Variants in RCOR1 observed in about 807,000 individuals in gnomAD.
RCOR1 encodes the protein REST corepressor.
A neutral mutation model predicts 64.0 loss-of-function variants in RCOR1; 12 were observed. The observed-to-expected ratio is 0.19, with a 90% CI of 0.12 to 0.30. The LOEUF (loss-of-function observed/expected upper bound fraction) is 0.30. RCOR1 is among the 10% of genes least tolerant of loss of function. The pLI is 1.00. For synonymous variants in RCOR1, 279 were observed against 227.2 expected (o/e 1.23, Z -2.05); for missense variants, 502 against 621.2 (o/e 0.81, Z 2.04).
rs1555462069 is a variant in RCOR1 at position 102,616,240 on chromosome 14, G to GTGTGTGTGTGTGTA, written c.361+22924_361+22925insGTGTATGTGTGTGT. On this transcript the variant is annotated intron_variant, in intron 2 of 11. Coordinates refer to ENST00000262241, the MANE Select transcript of RCOR1 (RefSeq NM_015156.4). ...TGTGTGTGTGTGTGTGTGTGTGTGTGTGTGTGTGTATGTGTGTGTGTGTAT... is the reference window on the plus strand; with the variant it reads ...TGTGTGTGTGTGTGTGTGTGTGTGTGTGTGTGTGTGTGTATGTGTGTGTATGTGTGTGTGTGTAT... 1.1e-4 allele frequency among the ~76,000 whole-genome samples: 11 copies of GTGTGTGTGTGTGTA among 103,330 alleles called. No individual in the cohort carries two copies. The East Asian group carries it at 1.2e-3, about 12-fold the overall frequency. The allele number at this position is 103,330 out of a possible 152,430, so 67.8% of individuals were successfully genotyped here.
At chr14:102,689,331 G>A (rs747143542) in intron 3 of RCOR1, among the ~76,000 whole-genome samples, 1 of 152,102 alleles carries the variant, frequency 6.6e-6, no homozygotes, top group East Asian at 1.9e-4. Flanking sequence ...TTTTTTTTAA[G>A]GTAGGGCTTG....
chr14:102,722,216 G>A lies in RCOR1; in HGVS notation c.1219G>A (p.Ala407Thr). The part of the protein sequence containing the change: ...AIRKYGRDFQ[A>T]ISDVIGNKSV... ...CAGGAAATATGGCCGAGATTTTCAG[G>A]CAATCTCAGACGTGATTGGGAACAA... is the stretch of plus-strand genomic sequence containing the variant. The change falls in exon 11 of 12, where the codon GCA (alanine) becomes ACA (threonine). Residue 407 changes from alanine (A) to threonine (T), a missense_variant. By Grantham distance (58) the Ala-to-Thr change is moderately conservative. Around this residue, in one of 2 missense-constraint regions of RCOR1, gnomAD observed 260 missense variants for 416.4 expected, o/e 0.62. Transcript: ENST00000262241. 6.2e-7 allele frequency: 1 copy of A among 1,614,004 alleles called. No individual in the cohort carries two copies. The highest frequency in any genetic ancestry group is 8.5e-7 in the Non-Finnish European group (1 of 1,179,890).
intron 2 of RCOR1, among the ~76,000 whole-genome samples, chr14:102,666,537 G>A (rs1894918960): frequency 6.6e-6 from 1 of 151,988 alleles, no homozygotes; most frequent in African/African-American, 2.4e-5. Flanking sequence ...CCCCTTTTCT[G>A]TTCCAGAATC....
At chr14:102,679,628 G>A (rs538008777) in intron 2 of RCOR1, among the ~76,000 whole-genome samples, 156 of 152,028 alleles carry the variant, frequency 1.0e-3, no homozygotes, top group African/African-American at 3.4e-3. Flanking sequence ...ACAGGCGCCC[G>A]CCACCACGCC....
At chr14:102,664,761 T>C (rs538319584) in intron 2 of RCOR1, among the ~76,000 whole-genome samples, 91 of 152,352 alleles carry the variant, frequency 6.0e-4, no homozygotes, top group African/African-American at 2.1e-3. Flanking sequence ...GAAGTACTTA[T>C]AATATGCTAG....
At position 102,656,163 on chromosome 14, in the gene RCOR1, A is replaced by G. The variant is rs1206909055; in HGVS notation, c.362-25732A>G. 12 of 954,726 alleles carry G rather than the reference A, an allele frequency of 1.3e-5. No individual in the cohort carries two copies. The East Asian group carries it at 1.3e-3, about 101-fold the overall frequency. 59.1% of individuals were successfully genotyped at this position (954,726 alleles called of 1,614,324 possible). ...TTTTTTTTATTTTTTTTTTGGAGAC[A>G]GAGTCTCGCTGTGTCGCCCAGACTG... On this transcript the variant is annotated intron_variant, in intron 2 of 11. Coordinates refer to ENST00000262241, the MANE Select transcript of RCOR1 (RefSeq NM_015156.4).
Position 102,710,916 on chromosome 14 carries a change from A to G in RCOR1, c.780-19A>G, listed in dbSNP as rs1895944253. ...ATTAGTACAAAATAATCATTCAGTA[A>G]CTTGTTCTTGTCTTCCAGCGAGGAT... On this transcript the variant is annotated intron_variant, in intron 6 of 11. Transcript: ENST00000262241. 1 of 1,560,562 alleles carries G rather than the reference A, an allele frequency of 6.4e-7. No individual in the cohort carries two copies. Among genetic ancestry groups the G allele is most frequent in the Non-Finnish European group, 8.7e-7 (1 of 1,143,814 alleles).
intron 2 of RCOR1, among the ~76,000 whole-genome samples, chr14:102,623,621 G>T (rs182247415): frequency 2.0e-5 from 3 of 151,526 alleles, no homozygotes; most frequent in Admixed American, 2.0e-4. Context: ...TGTTAGCCAG[G>T]ATGGTCTTGA....
At chr14:102,696,678 C>T in intron 3 of RCOR1, among the ~76,000 whole-genome samples, 1 of 152,090 alleles carries the variant, frequency 6.6e-6, no homozygotes, top group East Asian at 1.9e-4. Context: ...TTGTTGTTGC[C>T]AGAGTTGGAA....
chr14:102,726,152 C>T lies in RCOR1; in HGVS notation c.1420-316C>T, dbSNP rs141033213. Among the ~76,000 whole-genome samples, 921 of 152,050 alleles carry T rather than the reference C, an allele frequency of 6.1e-3. 14 individuals carry two copies. Among genetic ancestry groups the T allele is most frequent in the African/African-American group, 0.021 (877 of 41,476 alleles). On this transcript the variant is annotated intron_variant, in intron 11 of 11. Transcript: ENST00000262241. ...GACCAGCCCGGCCAACATGGTGAAACCCCGTCTCTACTGAAGGTACAAAAA... is the reference window on the plus strand; with the variant it reads ...GACCAGCCCGGCCAACATGGTGAAATCCCGTCTCTACTGAAGGTACAAAAA...
intron 2 of RCOR1, among the ~76,000 whole-genome samples, chr14:102,625,985 C>G (rs1301139419): frequency 6.6e-6 from 1 of 152,174 alleles, no homozygotes; most frequent in Non-Finnish European, 1.5e-5. Flanking sequence ...ACCTCAGCCA[C>G]CCATTCCTTT....
chr14:102,593,388 C>T, intron 2 of RCOR1, 63 bp downstream of exon 2: 1 of 1,431,758 alleles, frequency 7.0e-7, no homozygotes, highest in Non-Finnish European at 9.1e-7. Flanking sequence ...CCCCGGCGAG[C>T]CCGAGGGGGC....
At chr14:102,640,964 A>G (rs770104847) in intron 2 of RCOR1, among the ~76,000 whole-genome samples, 37 of 151,972 alleles carry the variant, frequency 2.4e-4, no homozygotes, top group Non-Finnish European at 4.6e-4. Flanking sequence ...GAAGAAAAAC[A>G]GAAAAGAGGC....
chr14:102,670,164 T>C (rs1895002836), intron 2 of RCOR1, among the ~76,000 whole-genome samples: 1 of 152,210 alleles, frequency 6.6e-6, no homozygotes, highest in Admixed American at 6.5e-5. Flanking sequence ...TTGGACAGGC[T>C]GGTCTCAAAC....
chr14:102,599,766 T>TA (rs956982069), intron 2 of RCOR1, among the ~76,000 whole-genome samples: 7 of 151,324 alleles, frequency 4.6e-5, no homozygotes, highest in Admixed American at 3.3e-4. Context: ...TAGATCATTG[T>TA]AAAAAAAATA....
rs979652813 is a variant in RCOR1 at position 102,730,061 on chromosome 14, C to T, written c.*3555C>T. 6.8e-5 allele frequency: 27 copies of T among 398,876 alleles called. No homozygotes were observed. The highest frequency in any genetic ancestry group is 1.0e-4 in the African/African-American group (5 of 48,596). The allele number at this position is 398,876 out of a possible 1,614,324, so 24.7% of individuals were successfully genotyped here. Reference sequence around the variant, plus strand: ...CTGTAGTAAAGCACAATTGCAGTGGCGTCGCATTCAGAAGAAGGGAAGGTC... The same window carrying T: ...CTGTAGTAAAGCACAATTGCAGTGGTGTCGCATTCAGAAGAAGGGAAGGTC... On this transcript the variant is annotated 3_prime_UTR_variant, in exon 12 of 12. Transcript: ENST00000262241.
chr14:102,625,039 AAAG>A (rs1472857976), intron 2 of RCOR1, among the ~76,000 whole-genome samples: 1 of 151,708 alleles, frequency 6.6e-6, no homozygotes, highest in Non-Finnish European at 1.5e-5. Flanking sequence ...GCTAATTAAA[AAAG>A]AAAAATTATT....
intron 2 of RCOR1, among the ~76,000 whole-genome samples, chr14:102,642,587 C>G (rs1169922814): frequency 6.6e-6 from 1 of 152,156 alleles, no homozygotes; most frequent in Admixed American, 6.6e-5. Flanking sequence ...GTAATTTCAG[C>G]ACTTTGGGAG....
At chr14:102,597,940 A>G (rs1893298479) in intron 2 of RCOR1, among the ~76,000 whole-genome samples, 1 of 151,406 alleles carries the variant, frequency 6.6e-6, no homozygotes, top group African/African-American at 2.4e-5. Flanking sequence ...CTCCTGCCTC[A>G]GCCTCCCGAG....
Sources: allele counts gnomAD v4.1 joint callset (sites outside exome capture counted in the v4.1 genomes callset), GRCh38; gene constraint gnomAD v4.1.1; regional missense constraint gnomAD v4.1.1; transcripts MANE v1.5; gene names NCBI Gene and HGNC (gene_info 2026-07-23, HGNC 2026-07-21).